The following USP7 variants were observed in gnomAD, a reference collection of about 807,000 sequenced individuals.
USP7 encodes the protein ubiquitin C-terminal hydrolase 7.
In USP7, 9 loss-of-function variants were observed where a neutral mutation model predicts 162.9. The observed-to-expected ratio is 0.06, with a 90% confidence interval of 0.03 to 0.10. The LOEUF is 0.10. Among genes scored for constraint, USP7 ranks in the 10% least tolerant of loss-of-function variants. The probability of loss-of-function intolerance (pLI) is 1.00; values close to 1 mark genes in which losing one functional copy is unlikely to be tolerated. For missense variants in USP7, 715 were observed against 1,373.7 expected (o/e 0.52, Z 7.58); for synonymous variants, 562 against 475.9 (o/e 1.18, Z -2.35).
At chr16:8,918,129 A>G (rs1409516016) in intron 6 of USP7, among the ~76,000 whole-genome samples, 1 of 152,210 alleles carries the variant, frequency 6.6e-6, no homozygotes, top group Non-Finnish European at 1.5e-5. Context: ...CTTGTGAAAC[A>G]AAGATTTGAT....
intron 1 of USP7, among the ~76,000 whole-genome samples, chr16:8,959,992 A>G (rs1159526836): frequency 2.0e-5 from 3 of 152,088 alleles, no homozygotes; most frequent in African/African-American, 7.3e-5. Flanking sequence ...AGGGAAAAAA[A>G]CAGTTTGTAT....
Sources: allele counts gnomAD v4.1 joint callset (sites outside exome capture counted in the v4.1 genomes callset), GRCh38; gene constraint gnomAD v4.1.1; transcripts MANE v1.5; gene names NCBI Gene and HGNC (gene_info 2026-07-23, HGNC 2026-07-21).